FRMD8: variants seen among roughly 807,000 people sequenced by gnomAD.
FRMD8 encodes the protein FERM domain-containing protein 8.
FRMD8 carries 37 observed loss-of-function variants against 54.2 expected under a neutral mutation model. The observed-to-expected ratio is 0.68, with a 90% confidence interval of 0.53 to 0.90. The LOEUF (loss-of-function observed/expected upper bound fraction) is 0.90, where lower values mean the gene tolerates loss of function less well. Among genes scored for constraint, FRMD8 ranks in the 40% least tolerant of loss-of-function variants. FRMD8 has a pLI of 0.00. For missense variants in FRMD8, 585 were observed against 653.7 expected (o/e 0.89, Z 1.15); for synonymous variants, 246 against 286.9 (o/e 0.86, Z 1.44).
chr11:65,396,089 G>C (rs1335107613), intron 6 of FRMD8, among the ~76,000 whole-genome samples: 1 of 152,178 alleles, frequency 6.6e-6, no homozygotes, highest in Non-Finnish European at 1.5e-5. Context: ...CCCTTCTGGG[G>C]GTGAAGAGGG....
At chr11:65,397,306 G>A (rs113866684) in intron 7 of FRMD8, among the ~76,000 whole-genome samples, 46 of 152,268 alleles carry the variant, frequency 3.0e-4, no homozygotes, top group African/African-American at 1.1e-3. Flanking sequence ...TCTCTGTCAC[G>A]CAATTGTTGT....
chr11:65,373,551 T>C, the FRMD8 span, among the ~76,000 whole-genome samples: 1 of 152,294 alleles, frequency 6.6e-6, no homozygotes, highest in South Asian at 2.1e-4. Flanking sequence ...AGGTCTGGGG[T>C]GGGGCCTGAG....
chr11:65,387,802 T>C lies in FRMD8; in HGVS notation c.85+681T>C, dbSNP rs370942580. 2.8e-3 allele frequency among the ~76,000 whole-genome samples: 426 copies of C among 152,218 alleles called. 18 individuals are homozygous for C. In the South Asian group the frequency reaches 0.082, roughly 29 times the overall value. On this transcript the variant is annotated intron_variant, in intron 2 of 10. Transcript: ENST00000317568. ...ATCTGCCTGCCTCAGCCTCTCAAAG[T>C]GCTGGGATTACAGGCGTGAGCCACC...
Position 65,399,734 on chromosome 11 carries a change from A to AGG in FRMD8, c.804-1_804dup. 1.9e-6 allele frequency: 3 copies of AGG among 1,613,746 alleles called. No homozygotes were observed. Among genetic ancestry groups the AGG allele is most frequent in the Non-Finnish European group, 2.5e-6 (3 of 1,179,858 alleles). On this transcript the variant is annotated splice_acceptor_variant, in intron 7 of 10. Coordinates refer to ENST00000317568, the MANE Select transcript of FRMD8 (RefSeq NM_031904.5). LOFTEE classifies it high-confidence loss of function. ...GGAGGCTGACCCCAGTCCCCTCCCC[A>AGG]GGTGTGCCTTCTTCCACGGTGAGGT...
chr11:65,393,530 C>T, intron 3 of FRMD8, 43 bp from the exon 4 acceptor site: 1 of 1,482,152 alleles, frequency 6.7e-7, no homozygotes. Context: ...AGCCACTGGA[C>T]TGGCCGGAGG....
chr11:65,407,739 GA>G (rs1425962333), intron 10 of FRMD8, among the ~76,000 whole-genome samples: 1 of 151,514 alleles, frequency 6.6e-6, no homozygotes, highest in Non-Finnish European at 1.5e-5. Context: ...AATACAAAAA[GA>G]AAAAAAATTA....
chr11:65,405,001 G>C lies in FRMD8; in HGVS notation c.1209G>C (p.Leu403=), dbSNP rs1349006927. 1.2e-6 allele frequency: 2 copies of C among 1,613,374 alleles called. No individual in the cohort carries two copies. The highest frequency in any genetic ancestry group is 8.5e-7 in the Non-Finnish European group (1 of 1,180,036). The change falls in exon 10 of 11, where the codon CTG becomes CTC. Residue 403 remains leucine, a synonymous_variant. Coordinates refer to ENST00000317568, the MANE Select transcript of FRMD8 (RefSeq NM_031904.5). Reference sequence around the variant, plus strand: ...TGGCTCCTGTTCAGCGCCCCAAGCTGCGGAGGCAGGGCAGTGTGGTGTCCA... The same window carrying C: ...TGGCTCCTGTTCAGCGCCCCAAGCTCCGGAGGCAGGGCAGTGTGGTGTCCA... The part of the protein sequence containing the change: ...SSLAPVQRPK[L]RRQGSVVSSR...
chr11:65,387,530 TTTTC>T (rs1855757349), intron 2 of FRMD8, among the ~76,000 whole-genome samples: 1 of 151,938 alleles, frequency 6.6e-6, no homozygotes, highest in African/African-American at 2.4e-5. Flanking sequence ...TCATTTCTTT[TTTTC>T]TTTCTTTCCT....
chr11:65,377,083 G>C, the FRMD8 span: 2 of 1,611,256 alleles, frequency 1.2e-6, no homozygotes, highest in South Asian at 2.2e-5. Context: ...AGGCCTGTTG[G>C]TGATGAAACA....
intron 1 of FRMD8, 87 bp downstream of exon 1, chr11:65,386,848 G>C: frequency 1.7e-6 from 1 of 593,542 alleles, no homozygotes; most frequent in East Asian, 2.9e-5. Context: ...TCGACCCCCG[G>C]TTCTTGACCG....
At position 65,389,435 on chromosome 11, in the gene FRMD8, G is replaced by A; in HGVS notation, c.160G>A (p.Ala54Thr). The stretch of plus-strand genomic sequence containing the variant: ...TGTGGAGAACCTGCCCTCGCTCAGT[G>A]CCCATGAGCTGCACCGCGCTGTCCG... ...LAVENLPSLS[A>T]HELHRAVREV... Residue 54 changes from alanine to threonine, a missense_variant, in exon 3 of 11, where the codon GCC becomes ACC. Physicochemically the swap from Ala to Thr is moderately conservative, Grantham distance 58 (BLOSUM62 0). Coordinates refer to ENST00000317568, the MANE Select transcript of FRMD8 (RefSeq NM_031904.5). 1 of 1,610,310 alleles carries A rather than the reference G, an allele frequency of 6.2e-7. No individual in the cohort carries two copies. The highest frequency in any genetic ancestry group is 1.3e-5 in the African/African-American group (1 of 75,074).
At chr11:65,375,183 G>A in the FRMD8 span, 1 of 152,194 alleles carries the variant, frequency 6.6e-6, no homozygotes, top group African/African-American at 2.4e-5. Context: ...CAGGTCAGGA[G>A]TGCAGTCGCA....
At chr11:65,380,416 A>G in the FRMD8 span, 3 of 940,662 alleles carry the variant, frequency 3.2e-6, no homozygotes, top group Non-Finnish European at 4.7e-6. Context: ...CCACCTGAGG[A>G]TGCACACCCA....
chr11:65,377,350 C>A, the FRMD8 span: 1 of 1,326,562 alleles, frequency 7.5e-7, no homozygotes, highest in Non-Finnish European at 9.6e-7. Context: ...ACAGCAGGCA[C>A]TCAGAACAAG....
At chr11:65,393,892 G>A (rs1223749169) in intron 4 of FRMD8, 149 bp from the exon 5 acceptor site, 1 of 864,026 alleles carries the variant, frequency 1.2e-6, no homozygotes, top group Non-Finnish European at 1.9e-6. Context: ...GGGCACGTTG[G>A]GATGAGCTGC....
Position 65,396,908 on chromosome 11 carries a change from C to A in FRMD8, c.691C>A (p.Leu231Met). 6.4e-7 allele frequency: 1 copy of A among 1,556,388 alleles called. No individual in the cohort carries two copies. Among genetic ancestry groups the A allele is most frequent in the Non-Finnish European group, 8.7e-7 (1 of 1,150,680 alleles). ...GGCCGGGCCGGGCGAGCAGGGCCTGCTGAACGCCTACCGCCAGGTGCAGGA... is the reference window on the plus strand; with the variant it reads ...GGCCGGGCCGGGCGAGCAGGGCCTGATGAACGCCTACCGCCAGGTGCAGGA... The part of the protein sequence containing the change: ...ARAGPGEQGL[L>M]NAYRQVQEVS... The change falls in exon 7 of 11, where the codon CTG becomes ATG. Residue 231 changes from leucine to methionine, a missense_variant. By Grantham distance (15) the Leu-to-Met change is conservative. Coordinates refer to ENST00000317568, the MANE Select transcript of FRMD8 (RefSeq NM_031904.5).
Position 65,389,451 on chromosome 11 carries a change from G to A in FRMD8, c.176G>A (p.Arg59His), listed in dbSNP as rs758310158. The A allele has an allele frequency of 1.7e-5, 27 of 1,609,484 alleles. No homozygotes were observed. Among genetic ancestry groups the A allele is most frequent in the South Asian group, 2.2e-5 (2 of 91,088 alleles). The change falls in exon 3 of 11, where the codon CGC (arginine) becomes CAC (histidine). Residue 59 changes from arginine (R) to histidine (H), a missense_variant. By Grantham distance (29) the Arg-to-His change is conservative (BLOSUM62 0). Coordinates refer to ENST00000317568, the MANE Select transcript of FRMD8 (RefSeq NM_031904.5). ...LPSLSAHELH[R>H]AVREVLQLPD... ...TCGCTCAGTGCCCATGAGCTGCACC[G>A]CGCTGTCCGCGAGGTCCTGCAGCTT...
At position 65,388,718 on chromosome 11, in the gene FRMD8, A is replaced by G. The variant is rs115430196; in HGVS notation, c.86-643A>G. The stretch of plus-strand genomic sequence containing the variant: ...GCTGTTCTTCCCTAGCCTGCTTCGT[A>G]TTGACTCCTGAGGCTTAAAGAGTCC... On this transcript the variant is annotated intron_variant, in intron 2 of 10. Coordinates refer to ENST00000317568, the MANE Select transcript of FRMD8 (RefSeq NM_031904.5). 8.0e-3 allele frequency among the ~76,000 whole-genome samples: 1,223 copies of G among 152,260 alleles called. 14 individuals carry two copies. The highest frequency in any genetic ancestry group is 0.028 in the African/African-American group (1,149 of 41,532).
At chr11:65,393,271 A>C (rs7104978) in intron 3 of FRMD8, among the ~76,000 whole-genome samples, 3 of 152,208 alleles carry the variant, frequency 2.0e-5, no homozygotes, top group Non-Finnish European at 2.9e-5. Flanking sequence ...TCCATTGGCC[A>C]GTCTCCAGTT....
Sources: allele counts gnomAD v4.1 joint callset (sites outside exome capture counted in the v4.1 genomes callset), GRCh38; gene constraint gnomAD v4.1.1; transcripts MANE v1.5; gene names NCBI Gene and HGNC (gene_info 2026-07-23, HGNC 2026-07-21).